Variants in TRMT44 observed in about 807,000 individuals in gnomAD.
TRMT44 encodes the protein probable tRNA (uracil-O(2)-)-methyltransferase.
TRMT44 carries 78 observed loss-of-function variants against 77.3 expected under a neutral mutation model. The observed-to-expected ratio is 1.01, with a 90% CI of 0.84 to 1.22. TRMT44 has a LOEUF of 1.22. Among genes scored for constraint, TRMT44 ranks in the 50% most tolerant of loss-of-function variants. The probability of loss-of-function intolerance (pLI) is 0.00; values close to 1 mark genes in which losing one functional copy is unlikely to be tolerated. For missense variants in TRMT44, 1,090 were observed against 964.4 expected (o/e 1.13, Z -1.73); for synonymous variants, 391 against 383.3 (o/e 1.02, Z -0.23).
At chr4:8,459,975 C>G (rs1471611548) in intron 6 of TRMT44, among the ~76,000 whole-genome samples, 6 of 152,166 alleles carry the variant, frequency 3.9e-5, no homozygotes, top group Non-Finnish European at 7.4e-5. Flanking sequence ...CTACAGACAT[C>G]AAGACACCCG....
the TRMT44 span, chr4:8,506,846 G>A: frequency 6.6e-6 from 1 of 152,442 alleles, no homozygotes; most frequent in East Asian, 1.9e-4. Context: ...AATGCTGCTT[G>A]GTGAGCTGGG....
intron 2 of TRMT44, among the ~76,000 whole-genome samples, chr4:8,491,651 G>A (rs188063282): frequency 6.2e-4 from 94 of 152,358 alleles, no homozygotes; most frequent in African/African-American, 1.9e-3. Context: ...CCGCTGGCCC[G>A]GGTGCCAAGT....
intron 9 of TRMT44, among the ~76,000 whole-genome samples, chr4:8,468,876 G>A (rs977547790): frequency 7.2e-5 from 11 of 152,230 alleles, no homozygotes; most frequent in African/African-American, 2.7e-4. Flanking sequence ...GGCATTCAGA[G>A]AGCCAGCCAG....
At chr4:8,494,508 A>G (rs1728098030), downstream of TRMT44, among the ~76,000 whole-genome samples, 2 of 152,212 alleles carry the variant, frequency 1.3e-5, no homozygotes, top group Admixed American at 6.5e-5. Flanking sequence ...AGGACTCAAA[A>G]GAACACAACT....
intron 2 of TRMT44, among the ~76,000 whole-genome samples, chr4:8,490,805 C>A (rs183701496): frequency 0.023 from 3,444 of 152,268 alleles, 70 homozygotes; most frequent in African/African-American, 0.053. Context: ...TTATCTGGCC[C>A]CACCCACATC....
rs200239109 is a variant in TRMT44 at position 8,463,738 on chromosome 4, A to ACT, written c.1204-245_1204-244dup. Among the ~76,000 whole-genome samples the ACT allele has an allele frequency of 8.0e-3, 1,221 of 152,316 alleles. 13 individuals are homozygous for ACT. The highest frequency in any genetic ancestry group is 0.028 in the African/African-American group (1,169 of 41,548). ...TTTAAATGATCCAAAGGCGATTAGC[A>ACT]CTCAGAAAAGTGCTGTTAGTTTCTC... On this transcript the variant is annotated intron_variant, in intron 6 of 10. Transcript: ENST00000389737.
intron 6 of TRMT44, among the ~76,000 whole-genome samples, chr4:8,457,933 T>A (rs1725911972): frequency 1.3e-5 from 2 of 152,166 alleles, no homozygotes; most frequent in African/African-American, 4.8e-5. Flanking sequence ...AAGATACGGA[T>A]CTTGAGAAAT....
downstream of TRMT44, chr4:8,478,992 C>G (rs1375688556): frequency 2.6e-5 from 4 of 152,196 alleles, no homozygotes; most frequent in Non-Finnish European, 5.9e-5. Context: ...GGCCTTGGCT[C>G]GTGGCATGGC....
At chr4:8,489,237 C>T (rs1012034769) in intron 2 of TRMT44, among the ~76,000 whole-genome samples, 1 of 152,194 alleles carries the variant, frequency 6.6e-6, no homozygotes, top group Admixed American at 6.5e-5. Flanking sequence ...GCAACATGGC[C>T]ACCAGGCAAG....
chr4:8,458,206 A>T (rs1238646013), intron 6 of TRMT44, among the ~76,000 whole-genome samples: 2 of 152,236 alleles, frequency 1.3e-5, no homozygotes, highest in Non-Finnish European at 2.9e-5. Context: ...AAACGTTTTT[A>T]GAGAAACTAA....
At position 8,474,572 on chromosome 4, in the gene TRMT44, C is replaced by T. The variant is rs534253575; in HGVS notation, c.2045-1200C>T. ...TCAGTCTGTCAAAAGCACACAGGCT[C>T]GTTATTGCCACACACAAGGTGATTT... is the stretch of plus-strand genomic sequence containing the variant. On this transcript the variant is annotated intron_variant, in intron 10 of 10. Transcript: ENST00000389737. 9.2e-5 allele frequency among the ~76,000 whole-genome samples: 14 copies of T among 152,314 alleles called. No individual in the cohort carries two copies. In the South Asian group the frequency reaches 2.7e-3, roughly 29 times the overall value.
intron 8 of TRMT44, among the ~76,000 whole-genome samples, chr4:8,467,152 G>T (rs1385378394): frequency 2.0e-5 from 3 of 152,196 alleles, no homozygotes; most frequent in Non-Finnish European, 2.9e-5. Context: ...GGCCCTCTGC[G>T]CAGCCCCCGT....
rs767100330 is a variant in TRMT44 at position 8,476,017 on chromosome 4, G to GC, written c.*18dup. ...GATTTCATGAGCTGCATCCTTGCCA[G>GC]CCGAGGCCTGGTTGGGGAGGCCAAA... On this transcript the variant is annotated 3_prime_UTR_variant, in exon 11 of 11. Coordinates refer to ENST00000389737, the MANE Select transcript of TRMT44 (RefSeq NM_152544.3). The GC allele has an allele frequency of 5.6e-6, 9 of 1,610,646 alleles. No homozygotes were observed. The highest frequency in any genetic ancestry group is 7.6e-6 in the Non-Finnish European group (9 of 1,177,782).
the TRMT44 span, among the ~76,000 whole-genome samples, chr4:8,504,037 C>A: frequency 1.3e-5 from 2 of 152,190 alleles, no homozygotes; most frequent in African/African-American, 4.8e-5. This position sits in a 1 kb window ranked among gnomAD's most constrained non-coding sequence, Gnocchi z 5.3. Flanking sequence ...CCCGTCCACA[C>A]CTGCTCTCTC....
At chr4:8,501,078 G>A in the TRMT44 span, among the ~76,000 whole-genome samples, 1 of 152,354 alleles carries the variant, frequency 6.6e-6, no homozygotes, top group African/African-American at 2.4e-5. The surrounding 1 kb of genome is among the most constrained non-coding windows in gnomAD (Gnocchi z 4.4). Flanking sequence ...CCCGGATGCA[G>A]CCCTGCCAGG....
At chr4:8,456,195 C>T (rs1725799570) in intron 6 of TRMT44, among the ~76,000 whole-genome samples, 1 of 152,294 alleles carries the variant, frequency 6.6e-6, no homozygotes, top group Middle Eastern at 3.4e-3. Context: ...GGTCACTGCT[C>T]GTTCCTACTG....
chr4:8,482,842 A>G (rs954398600), intron 2 of TRMT44, among the ~76,000 whole-genome samples: 3 of 147,030 alleles, frequency 2.0e-5, no homozygotes, highest in African/African-American at 7.6e-5. Flanking sequence ...GAGGCCTGAC[A>G]TTCCTGCCTT....
chr4:8,460,713 C>T (rs957022286), intron 6 of TRMT44, among the ~76,000 whole-genome samples: 9 of 152,196 alleles, frequency 5.9e-5, no homozygotes, highest in Middle Eastern at 3.4e-3. Context: ...ACCACCACTA[C>T]GCCTGACTAA....
the TRMT44 span, chr4:8,506,715 T>C: frequency 1.6e-4 from 25 of 152,406 alleles, no homozygotes; most frequent in Middle Eastern, 6.8e-3. Context: ...GGAAGGAGGC[T>C]GCTGGCCCCG....
Sources: allele counts gnomAD v4.1 joint callset (sites outside exome capture counted in the v4.1 genomes callset), GRCh38; gene constraint gnomAD v4.1.1; non-coding constraint Gnocchi (gnomAD v3.1); transcripts MANE v1.5; gene names NCBI Gene and HGNC (gene_info 2026-07-23, HGNC 2026-07-21).